The following RALGPS1 variants were observed in gnomAD, a reference collection of about 807,000 sequenced individuals.
The protein encoded by RALGPS1 is Ral GEF with PH domain and SH3 binding motif 1, also known as ras-specific guanine nucleotide-releasing factor RalGPS1.
A neutral mutation model predicts 78.8 loss-of-function variants in RALGPS1; 19 were observed. That is an observed-to-expected ratio of 0.24 (90% CI 0.17 to 0.35). The LOEUF is 0.35. Ranked by LOEUF, RALGPS1 falls within the 10% of genes least tolerant of loss-of-function variation. The probability of loss-of-function intolerance (pLI) is 1.00; values close to 1 mark genes in which losing one functional copy is unlikely to be tolerated. For missense variants in RALGPS1, 454 were observed against 688.3 expected (o/e 0.66, Z 3.81); for synonymous variants, 228 against 256.3 (o/e 0.89, Z 1.06).
chr9:127,058,288 A>G (rs576256179), intron 7 of RALGPS1, among the ~76,000 whole-genome samples: 1 of 152,286 alleles, frequency 6.6e-6, no homozygotes, highest in Admixed American at 6.5e-5. Context: ...TTCTATTCCA[A>G]GTGCACTGAA....
chr9:127,182,388 CCCTCCCTCCCTTCCTT>C (rs1370778270), intron 11 of RALGPS1, among the ~76,000 whole-genome samples: 1 of 40,876 alleles, frequency 2.4e-5, no homozygotes, highest in African/African-American at 9.8e-5. Context: ...CTCCCTCCCT[CCCTCCCTCCCTTCCTT>C]CCTCCCTTCC....
At chr9:126,993,974 G>A (rs2042505995) in intron 4 of RALGPS1, among the ~76,000 whole-genome samples, 1 of 152,164 alleles carries the variant, frequency 6.6e-6, no homozygotes, top group Non-Finnish European at 1.5e-5. Flanking sequence ...GGTCCTGTCT[G>A]TTAGAAGGAA....
chr9:127,215,177 G>A (rs1463429170), intron 18 of RALGPS1, among the ~76,000 whole-genome samples: 1 of 152,232 alleles, frequency 6.6e-6, no homozygotes, highest in African/African-American at 2.4e-5. Context: ...CCTGCCAAGA[G>A]CTGACTTCAT....
At chr9:127,096,159 C>T (rs573952980) in intron 8 of RALGPS1, among the ~76,000 whole-genome samples, 1 of 152,346 alleles carries the variant, frequency 6.6e-6, no homozygotes, top group South Asian at 2.1e-4. Flanking sequence ...CCACCACTCC[C>T]TCAGTATCCT....
At chr9:127,047,805 C>T (rs1262550204) in intron 5 of RALGPS1, among the ~76,000 whole-genome samples, 8 of 151,916 alleles carry the variant, frequency 5.3e-5, no homozygotes, top group African/African-American at 1.2e-4. Context: ...TTATCTCTTA[C>T]GACTTACTTT....
intron 1 of RALGPS1, among the ~76,000 whole-genome samples, chr9:126,926,033 A>T (rs1403146459): frequency 6.6e-6 from 1 of 152,226 alleles, no homozygotes; most frequent in Non-Finnish European, 1.5e-5. Context: ...AATAATGGAC[A>T]AATTATGTAG....
At chr9:126,939,947 A>G (rs779482646) in intron 1 of RALGPS1, among the ~76,000 whole-genome samples, 4 of 152,204 alleles carry the variant, frequency 2.6e-5, no homozygotes, top group Non-Finnish European at 4.4e-5. Flanking sequence ...CTGCTCACCT[A>G]AGGGATACGT....
intron 10 of RALGPS1, among the ~76,000 whole-genome samples, chr9:127,170,218 A>G (rs994272909): frequency 6.6e-6 from 1 of 152,064 alleles, no homozygotes; most frequent in African/African-American, 2.4e-5. Context: ...CCCTAAGGGG[A>G]ACGGATGTTC....
intron 11 of RALGPS1, among the ~76,000 whole-genome samples, chr9:127,179,320 C>G (rs1260164289): frequency 1.3e-5 from 2 of 152,304 alleles, no homozygotes; most frequent in East Asian, 3.9e-4. Context: ...GTGGGTGCTG[C>G]TGCAGCTGTG....
intron 4 of RALGPS1, among the ~76,000 whole-genome samples, chr9:127,023,687 G>A (rs1166628769): frequency 2.0e-5 from 3 of 152,100 alleles, no homozygotes; most frequent in African/African-American, 2.4e-5. Flanking sequence ...TAGGACAGGT[G>A]TGTTTCCCTA....
chr9:127,190,997 C>T (rs571587037), intron 11 of RALGPS1, among the ~76,000 whole-genome samples: 3 of 152,246 alleles, frequency 2.0e-5, no homozygotes, highest in African/African-American at 7.2e-5. Context: ...TGGGGTTAAG[C>T]GTCTTTCCTT....
chr9:127,198,085 C>T (rs2061436734), intron 13 of RALGPS1, among the ~76,000 whole-genome samples: 1 of 152,250 alleles, frequency 6.6e-6, no homozygotes, highest in South Asian at 2.1e-4. Flanking sequence ...GTCCAACGTC[C>T]AGACAGGAGA....
intron 5 of RALGPS1, among the ~76,000 whole-genome samples, chr9:127,042,207 A>G (rs961119905): frequency 6.6e-6 from 1 of 152,250 alleles, no homozygotes; most frequent in Middle Eastern, 3.4e-3. Context: ...CCGCCGTGGC[A>G]TGTCCCAGAT....
At chr9:127,117,842 T>C (rs1031163821) in intron 8 of RALGPS1, among the ~76,000 whole-genome samples, 4 of 152,246 alleles carry the variant, frequency 2.6e-5, no homozygotes, top group African/African-American at 9.6e-5. Context: ...TTAAGGATTC[T>C]TGGAGCTGGG....
intron 18 of RALGPS1, 150 bp downstream of exon 18, chr9:127,214,992 AC>A: frequency 7.4e-7 from 1 of 1,346,500 alleles, no homozygotes; most frequent in Middle Eastern, 2.4e-4. Flanking sequence ...TTCCCTTGAG[AC>A]AAGGCACCCC....
intron 7 of RALGPS1, among the ~76,000 whole-genome samples, chr9:127,064,651 G>T (rs1051285131): frequency 4.6e-5 from 7 of 152,118 alleles, no homozygotes; most frequent in African/African-American, 1.7e-4. Flanking sequence ...GACAGCATCT[G>T]GTGACTTCTT....
intron 8 of RALGPS1, among the ~76,000 whole-genome samples, chr9:127,090,696 CA>C (rs2052361241): frequency 6.6e-6 from 1 of 152,168 alleles, no homozygotes; most frequent in Non-Finnish European, 1.5e-5. Flanking sequence ...TGACCAAGAC[CA>C]CATAGGAAAT....
chr9:127,102,330 T>A (rs1308506991), intron 8 of RALGPS1, among the ~76,000 whole-genome samples: 1 of 151,574 alleles, frequency 6.6e-6, no homozygotes, highest in Admixed American at 6.6e-5. Flanking sequence ...AATACTACTT[T>A]ATTTATTTTT....
At chr9:126,990,103 C>T in intron 4 of RALGPS1, 1 of 1,318,836 alleles carries the variant, frequency 7.6e-7, no homozygotes, top group Non-Finnish European at 1.0e-6. Context: ...CCCTGTGTGT[C>T]TTTGCTGCTC....
Sources: allele counts gnomAD v4.1 joint callset (sites outside exome capture counted in the v4.1 genomes callset), GRCh38; gene constraint gnomAD v4.1.1; transcripts MANE v1.5; gene names NCBI Gene and HGNC (gene_info 2026-07-23, HGNC 2026-07-21).